The following SRPRA variants were observed in gnomAD, a reference collection of about 807,000 sequenced individuals.
SRPRA encodes the protein SRP receptor subunit alpha.
SRPRA carries 30 observed loss-of-function variants against 61.1 expected under a neutral mutation model. That is an observed-to-expected ratio of 0.49 (90% CI 0.37 to 0.67). The LOEUF is 0.67. Among genes scored for constraint, SRPRA ranks in the 30% least tolerant of loss-of-function variants. The probability of loss-of-function intolerance (pLI) is 0.00; values close to 1 mark genes in which losing one functional copy is unlikely to be tolerated. For synonymous variants in SRPRA, 324 were observed against 299.7 expected (o/e 1.08, Z -0.84); for missense variants, 759 against 828.4 (o/e 0.92, Z 1.03).
At chr11:126,262,296 C>T, downstream of SRPRA, 1 of 630,880 alleles carries the variant, frequency 1.6e-6, no homozygotes, top group Non-Finnish European at 2.8e-6. Context: ...CAGCGTAATC[C>T]TTCATACCAC....
the SRPRA span, among the ~76,000 whole-genome samples, chr11:126,248,358 C>T: frequency 5.7e-3 from 211 of 36,906 alleles, no homozygotes; most frequent in South Asian, 0.016. Flanking sequence ...TAGTAGTTGA[C>T]TTTTTTTTTT....
chr11:126,244,168 A>G, the SRPRA span, among the ~76,000 whole-genome samples: 2 of 152,232 alleles, frequency 1.3e-5, no homozygotes, highest in Non-Finnish European at 2.9e-5. The surrounding 1 kb of genome is among the most constrained non-coding windows in gnomAD (Gnocchi z 4.5). Flanking sequence ...GATTTTTTCC[A>G]CTAAGATCAG....
rs1283442410 is a variant in SRPRA, at chr11:126,267,223, GCTTTTCCCCCCGTGT to G, written c.463_477del (p.Thr155_Lys159del). On this transcript the variant is annotated inframe_deletion, in exon 4 of 14. Coordinates refer to ENST00000332118, the MANE Select transcript of SRPRA (RefSeq NM_003139.4). This position sits in a 1 kb window ranked among gnomAD's most constrained non-coding sequence, Gnocchi z 4.2. ...TTGCTATTCTTTGCTTTTTCCTTGG[GCTTTTCCCCCCGTGT>G]CTCAATCATGGACCTCACAGGTTTC... 3 of 1,613,756 alleles carry G rather than the reference GCTTTTCCCCCCGTGT, an allele frequency of 1.9e-6. No homozygotes were observed. In the Admixed American group the frequency reaches 5.0e-5, roughly 27 times the overall value.
the SRPRA span, among the ~76,000 whole-genome samples, chr11:126,237,728 G>A: frequency 5.5e-4 from 79 of 143,434 alleles, no homozygotes; most frequent in African/African-American, 1.8e-3. Flanking sequence ...GTGGTGGCGC[G>A]TGCCTGTAAT....
the SRPRA span, among the ~76,000 whole-genome samples, chr11:126,246,165 A>G: frequency 6.6e-6 from 1 of 152,166 alleles, no homozygotes; most frequent in Middle Eastern, 3.2e-3. Flanking sequence ...ATATTAAGAC[A>G]TTAATATTTT....
chr11:126,244,974 CT>C, the SRPRA span: 21 of 152,158 alleles, frequency 1.4e-4, no homozygotes, highest in African/African-American at 5.1e-4. This position sits in a 1 kb window ranked among gnomAD's most constrained non-coding sequence, Gnocchi z 4.5. Flanking sequence ...AGCATGGTCC[CT>C]ATTAGGATCC....
chr11:126,254,395 G>T, the SRPRA span: 1 of 1,614,226 alleles, frequency 6.2e-7, no homozygotes, highest in African/African-American at 1.3e-5. Flanking sequence ...CCTTCATCCG[G>T]CTGGATATCA....
the SRPRA span, among the ~76,000 whole-genome samples, chr11:126,242,702 C>T: frequency 1.2e-4 from 18 of 152,182 alleles, no homozygotes; most frequent in Non-Finnish European, 2.2e-4. Flanking sequence ...TTCACACCCG[C>T]TGGCATGACT....
the SRPRA span, among the ~76,000 whole-genome samples, chr11:126,245,696 A>G: frequency 1.3e-5 from 2 of 152,044 alleles, no homozygotes; most frequent in African/African-American, 4.8e-5. Flanking sequence ...CCTCGGCTCT[A>G]AAAAAGAAAA....
chr11:126,247,920 C>T, the SRPRA span, among the ~76,000 whole-genome samples: 4 of 143,558 alleles, frequency 2.8e-5, no homozygotes, highest in Admixed American at 1.4e-4. Flanking sequence ...TATATAGATA[C>T]GTATATCTAT....
At chr11:126,257,003 T>C in the SRPRA span, 1 of 751,838 alleles carries the variant, frequency 1.3e-6, no homozygotes, top group South Asian at 1.8e-5. Flanking sequence ...CAGGTTAGAC[T>C]AAAGTGCCAC....
At chr11:126,240,673 G>A in the SRPRA span, 4 of 1,061,944 alleles carry the variant, frequency 3.8e-6, no homozygotes, top group South Asian at 6.0e-5. Flanking sequence ...AAAAACTGCT[G>A]TTCATCTTCT....
chr11:126,263,721 G>T lies in SRPRA; in HGVS notation c.*195C>A. The T allele has an allele frequency of 1.3e-6, 1 of 756,326 alleles. No individual in the cohort carries two copies. Among genetic ancestry groups the T allele is most frequent in the Non-Finnish European group, 2.1e-6 (1 of 472,152 alleles). 46.9% of individuals were successfully genotyped at this position (756,326 alleles called of 1,614,324 possible). ...GGGAGAGGGTCAGTGGGCAGTGATT[G>T]TAACATGATTAGGCCTTCCTTGCAG... On this transcript the variant is annotated 3_prime_UTR_variant, in exon 14 of 14. Coordinates refer to ENST00000332118, the MANE Select transcript of SRPRA (RefSeq NM_003139.4).
the SRPRA span, chr11:126,241,131 A>G: frequency 1.5e-6 from 2 of 1,343,234 alleles, no homozygotes; most frequent in African/African-American, 1.5e-5. Flanking sequence ...CAAAACTAGC[A>G]TGCCAAATGT....
chr11:126,251,844 G>A, the SRPRA span, among the ~76,000 whole-genome samples: 13 of 150,360 alleles, frequency 8.6e-5, no homozygotes, highest in African/African-American at 2.2e-4. Flanking sequence ...CACAACGCCC[G>A]GCTAATTTTG....
At chr11:126,244,784 CAA>C in the SRPRA span, among the ~76,000 whole-genome samples, 1 of 152,232 alleles carries the variant, frequency 6.6e-6, no homozygotes, top group South Asian at 2.1e-4. The surrounding 1 kb of genome is among the most constrained non-coding windows in gnomAD (Gnocchi z 4.5). Context: ...GCCTGGGCAA[CAA>C]GAGCGAAACT....
At chr11:126,253,515 T>G in the SRPRA span, among the ~76,000 whole-genome samples, 2 of 152,238 alleles carry the variant, frequency 1.3e-5, no homozygotes, top group African/African-American at 4.8e-5. This position sits in a 1 kb window ranked among gnomAD's most constrained non-coding sequence, Gnocchi z 5.1. Context: ...AAGTGATTTT[T>G]CTATCACTTA....
the SRPRA span, among the ~76,000 whole-genome samples, chr11:126,245,498 CTT>C: frequency 6.6e-6 from 1 of 152,022 alleles, no homozygotes; most frequent in South Asian, 2.1e-4. Context: ...CATGATGAGA[CTT>C]TGAAACGGAA....
the SRPRA span, among the ~76,000 whole-genome samples, chr11:126,248,404 CTT>C: frequency 1.2e-5 from 1 of 86,696 alleles, no homozygotes; most frequent in African/African-American, 4.8e-5. Context: ...GAGTTTCGCT[CTT>C]GTTGCCCAGG....
Sources: gnomAD v4.1 joint callset for allele counts (sites outside exome capture counted in the v4.1 genomes callset) on GRCh38, gnomAD v4.1.1 for gene constraint, Gnocchi (gnomAD v3.1) non-coding constraint, MANE v1.5 for transcripts, NCBI Gene and HGNC (gene_info 2026-07-23, HGNC 2026-07-21) for gene names.